The following ADAMTSL3 variants were observed in gnomAD, a reference collection of about 807,000 sequenced individuals.
The protein encoded by ADAMTSL3 is ADAMTS-like protein 3.
ADAMTSL3 carries 128 observed loss-of-function variants against 201.7 expected under a neutral mutation model. The ratio of observed to expected loss-of-function variants is 0.63; its 90% CI spans 0.55 to 0.73. The LOEUF is 0.73. ADAMTSL3 is among the 30% of genes least tolerant of loss of function. ADAMTSL3 has a pLI of 0.00. For synonymous variants in ADAMTSL3, 738 were observed against 748.4 expected (o/e 0.99, Z 0.23); for missense variants, 1,990 against 2,119.6 (o/e 0.94, Z 1.20).
intron 3 of ADAMTSL3, among the ~76,000 whole-genome samples, chr15:83,724,892 T>C (rs1174216871): frequency 6.6e-6 from 1 of 152,188 alleles, no homozygotes; most frequent in Non-Finnish European, 1.5e-5. Context: ...CTCTTTCTTT[T>C]TTTATGGCTG....
intron 28 of ADAMTSL3, among the ~76,000 whole-genome samples, chr15:84,031,824 A>G (rs2141938835): frequency 6.6e-6 from 1 of 152,338 alleles, no homozygotes. Context: ...CTGTTTAGAA[A>G]ATGTTTTGAT....
rs1162443176 is a variant in ADAMTSL3 at position 83,970,371 on chromosome 15, G to T, written c.2491-113G>T. The T allele has an allele frequency of 1.0e-5, 13 of 1,239,360 alleles. No individual in the cohort carries two copies. In the Admixed American group the frequency reaches 1.2e-4, roughly 11 times the overall value. 76.8% of individuals were successfully genotyped at this position (1,239,360 alleles called of 1,614,324 possible). A position where few individuals can be genotyped will look rare whatever the true frequency, so the allele number is the denominator to read the frequency against. ...AAGCCTAGGAAATGGCTTTCTTCTTGGCACATCCGTACTGAAAATTTCCTC... is the reference window on the plus strand; with the variant it reads ...AAGCCTAGGAAATGGCTTTCTTCTTTGCACATCCGTACTGAAAATTTCCTC... On this transcript the variant is annotated intron_variant, in intron 19 of 29. Transcript: ENST00000286744.
chr15:83,801,681 T>C (rs1202312242), intron 4 of ADAMTSL3, among the ~76,000 whole-genome samples: 2 of 64,934 alleles, frequency 3.1e-5, no homozygotes, highest in African/African-American at 8.9e-5. Flanking sequence ...TATATATATA[T>C]ATATATATAT....
At chr15:83,746,134 C>T (rs1301769498) in intron 3 of ADAMTSL3, among the ~76,000 whole-genome samples, 1 of 119,658 alleles carries the variant, frequency 8.4e-6, no homozygotes, top group Non-Finnish European at 1.7e-5. Context: ...CAGCTTCAAG[C>T]ACCACATTGA....
In ADAMTSL3 at chr15:83,743,864, AT is replaced by A. The variant is rs568845668; in HGVS notation, c.190-29648del. Among the ~76,000 whole-genome samples the A allele has an allele frequency of 3.9e-3, 580 of 149,256 alleles. 2 individuals carry two copies. The highest frequency in any genetic ancestry group is 5.8e-3 in the Non-Finnish European group (391 of 67,056). Reference sequence around the variant, plus strand: ...TTTCCTTAACTCATATATCTTTTTAATTTTTTTTTTTGATATGGCGTCTGTT... The same window carrying A: ...TTTCCTTAACTCATATATCTTTTTAATTTTTTTTTTGATATGGCGTCTGTT... On this transcript the variant is annotated intron_variant, in intron 3 of 29. Coordinates refer to ENST00000286744, the MANE Select transcript of ADAMTSL3 (RefSeq NM_207517.3).
At chr15:83,937,439 A>G (rs1019184611) in intron 17 of ADAMTSL3, among the ~76,000 whole-genome samples, 1 of 150,864 alleles carries the variant, frequency 6.6e-6, no homozygotes, top group Non-Finnish European at 1.5e-5. Context: ...GTCCTCATTT[A>G]TAAGTAGAAG....
chr15:83,716,406 A>AC (rs2062019468), intron 3 of ADAMTSL3, among the ~76,000 whole-genome samples: 1 of 151,574 alleles, frequency 6.6e-6, no homozygotes. Context: ...AATCGCAGCT[A>AC]CTCAGGAGGT....
At chr15:83,813,070 T>C (rs777170679) in intron 5 of ADAMTSL3, among the ~76,000 whole-genome samples, 76 of 152,250 alleles carry the variant, frequency 5.0e-4, no homozygotes, top group Non-Finnish European at 1.6e-4. Context: ...CAGCAGTAGC[T>C]AAAGCATGGT....
intron 3 of ADAMTSL3, among the ~76,000 whole-genome samples, chr15:83,752,657 G>A (rs984353706): frequency 6.6e-6 from 1 of 152,084 alleles, no homozygotes; most frequent in African/African-American, 2.4e-5. Flanking sequence ...TAATATAGTA[G>A]CCAGTAGTCA....
intron 17 of ADAMTSL3, among the ~76,000 whole-genome samples, chr15:83,936,681 A>C (rs1232214060): frequency 1.3e-5 from 2 of 151,086 alleles, no homozygotes; most frequent in Non-Finnish European, 2.9e-5. Flanking sequence ...AATTAAACTA[A>C]AGAGCTTCTG....
Position 84,021,547 on chromosome 15 carries a change from C to G in ADAMTSL3, c.4411C>G (p.Pro1471Ala). ...GGCCCTGTGTGATCACCTCCAGAAG[C>G]CACTGGCTGGGTTTGAGCCCTGTAA... ...SEALCDHLQK[P>A]LAGFEPCNIR... is the part of the protein sequence containing the mutation. The change falls in exon 26 of 30, where the codon CCA becomes GCA. Residue 1471 changes from proline to alanine, a missense_variant. Transcript: ENST00000286744. 3 of 1,614,178 alleles carry G rather than the reference C, an allele frequency of 1.9e-6. No homozygotes were observed. Among genetic ancestry groups the G allele is most frequent in the Non-Finnish European group, 2.5e-6 (3 of 1,180,018 alleles).
At chr15:83,656,474 C>T (rs976755703) in intron 2 of ADAMTSL3, among the ~76,000 whole-genome samples, 1 of 152,200 alleles carries the variant, frequency 6.6e-6, no homozygotes, top group African/African-American at 2.4e-5. Context: ...TCCATCTGAT[C>T]GTTGCTAAGT....
chr15:83,985,203 C>T (rs898131238), intron 21 of ADAMTSL3, among the ~76,000 whole-genome samples: 3 of 151,522 alleles, frequency 2.0e-5, no homozygotes, highest in Admixed American at 6.6e-5. Context: ...AAAAAAAATA[C>T]ACATTTAAAA....
At chr15:83,835,233 CAAA>C (rs58071247) in intron 6 of ADAMTSL3, among the ~76,000 whole-genome samples, 2 of 112,338 alleles carry the variant, frequency 1.8e-5, no homozygotes, top group Non-Finnish European at 1.8e-5. Context: ...GACTCTGTCT[CAAA>C]AAAAAAAAAA....
rs192921520 is a variant in ADAMTSL3, at chr15:83,971,384, C to T, written c.2644+747C>T. On this transcript the variant is annotated intron_variant, in intron 20 of 29. Transcript: ENST00000286744. ...CATCCTGGCTAACATGGTTAAACCC[C>T]GTCTCTACTAAAAATACAAAAAATT... Among the ~76,000 whole-genome samples the T allele has an allele frequency of 2.9e-3, 447 of 151,638 alleles. 2 individuals carry two copies. The highest frequency in any genetic ancestry group is 8.2e-3 in the African/African-American group (340 of 41,352).
chr15:83,910,801 A>T lies in ADAMTSL3; in HGVS notation c.1701-2291A>T, dbSNP rs1231363150. 2.6e-3 allele frequency among the ~76,000 whole-genome samples: 363 copies of T among 138,102 alleles called. 8 individuals carry two copies. The highest frequency in any genetic ancestry group is 5.1e-3 in the Admixed American group (71 of 13,824). 90.6% of individuals were successfully genotyped at this position (138,102 alleles called of 152,430 possible). On this transcript the variant is annotated intron_variant, in intron 15 of 29. Coordinates refer to ENST00000286744, the MANE Select transcript of ADAMTSL3 (RefSeq NM_207517.3). ...AGGCATGCACCACCATGACTGGCTA[A>T]TTTTTTTTTTTTTTTTTAAGTAGAG...
At chr15:83,856,314 C>A (rs912074650) in intron 7 of ADAMTSL3, among the ~76,000 whole-genome samples, 5 of 151,296 alleles carry the variant, frequency 3.3e-5, no homozygotes, top group Non-Finnish European at 7.4e-5. Flanking sequence ...ATTACAGGCA[C>A]ACACCACCAT....
chr15:83,783,928 C>T (rs1279058479), intron 4 of ADAMTSL3, among the ~76,000 whole-genome samples: 1 of 150,744 alleles, frequency 6.6e-6, no homozygotes. Flanking sequence ...TGATCAAGTC[C>T]CTTGCAAATT....
intron 23 of ADAMTSL3, among the ~76,000 whole-genome samples, chr15:84,013,001 C>T (rs1567301482): frequency 6.6e-6 from 1 of 152,220 alleles, no homozygotes; most frequent in Admixed American, 6.5e-5. Flanking sequence ...TAGTGCTCCC[C>T]CTATGCATTT....
Sources: gnomAD v4.1 joint callset for allele counts (sites outside exome capture counted in the v4.1 genomes callset) on GRCh38, gnomAD v4.1.1 for gene constraint, MANE v1.5 for transcripts, NCBI Gene and HGNC (gene_info 2026-07-23, HGNC 2026-07-21) for gene names.